The following CHD6 variants were observed in gnomAD, a reference collection of about 807,000 sequenced individuals.
CHD6 encodes chromodomain helicase DNA binding protein 6, also known as ATP-dependent chromatin remodeler CHD6.
CHD6 carries 50 observed loss-of-function variants against 276.9 expected under a neutral mutation model. That is an observed-to-expected ratio of 0.18 (90% CI 0.14 to 0.23). CHD6 has a LOEUF of 0.23. Ranked by LOEUF, CHD6 falls within the 10% of genes least tolerant of loss-of-function variation. The pLI is 1.00. For missense variants in CHD6, 2,564 were observed against 3,365.8 expected, an observed-to-expected ratio of 0.76 and a Z score of 5.89; for synonymous variants, 1,173 against 1,229.3, an observed-to-expected ratio of 0.95 and a Z score of 0.96.
intron 5 of CHD6, 140 bp from the exon 6 acceptor site, chr20:41,499,497 A>G (rs2043779868): frequency 1.6e-6 from 1 of 631,110 alleles, no homozygotes; most frequent in South Asian, 2.1e-5. Context: ...CAGGCCACAG[A>G]GTGGTCAAAA....
chr20:41,422,324 T>A (rs551566711), intron 30 of CHD6, among the ~76,000 whole-genome samples: 1 of 152,184 alleles, frequency 6.6e-6, no homozygotes, highest in Admixed American at 6.5e-5. Context: ...ACAGTATTAG[T>A]TTCCTTTAAA....
At chr20:41,423,184 T>TA (rs1050080649) in intron 30 of CHD6, among the ~76,000 whole-genome samples, 5 of 152,016 alleles carry the variant, frequency 3.3e-5, no homozygotes, top group Non-Finnish European at 5.9e-5. Flanking sequence ...GAACATGACT[T>TA]AAAAAAAACC....
chr20:41,568,181 C>T (rs2045379918), intron 1 of CHD6, among the ~76,000 whole-genome samples: 1 of 152,060 alleles, frequency 6.6e-6, no homozygotes, highest in Non-Finnish European at 1.5e-5. Flanking sequence ...TTACTTGATA[C>T]AAGGAAACAA....
intron 25 of CHD6, among the ~76,000 whole-genome samples, chr20:41,441,343 A>G (rs2047895048): frequency 6.6e-6 from 1 of 152,172 alleles, no homozygotes; most frequent in African/African-American, 2.4e-5. Flanking sequence ...TCACTGTTGT[A>G]GGAAGAAGAA....
chr20:41,525,158 C>G (rs1467204184), intron 3 of CHD6, among the ~76,000 whole-genome samples: 1 of 152,176 alleles, frequency 6.6e-6, no homozygotes, highest in Non-Finnish European at 1.5e-5. Flanking sequence ...CAAGACTTGT[C>G]AAGTGGCTGT....
chr20:41,613,570 G>A (rs1202788794), intron 1 of CHD6, among the ~76,000 whole-genome samples: 1 of 152,226 alleles, frequency 6.6e-6, no homozygotes, highest in Non-Finnish European at 1.5e-5. Flanking sequence ...TGCTGCCAGA[G>A]GGATGCAGTT....
chr20:41,520,398 T>C (rs73611296), intron 3 of CHD6, among the ~76,000 whole-genome samples: 3,372 of 152,132 alleles, frequency 0.022, 46 homozygotes, highest in South Asian at 0.041. Context: ...CTATTCACAA[T>C]AGCAAAGACT....
At chr20:41,616,437 C>T (rs1454266432) in intron 1 of CHD6, among the ~76,000 whole-genome samples, 1 of 152,082 alleles carries the variant, frequency 6.6e-6, no homozygotes, top group Non-Finnish European at 1.5e-5. Flanking sequence ...TCTAGATTTA[C>T]TTCGCCCATG....
At chr20:41,556,723 T>C (rs1206233003) in intron 1 of CHD6, among the ~76,000 whole-genome samples, 2 of 152,186 alleles carry the variant, frequency 1.3e-5, no homozygotes, top group Admixed American at 1.3e-4. Context: ...CACACCAGCA[T>C]GCTGCCACCC....
At chr20:41,510,139 G>A (rs1326199247) in intron 5 of CHD6, among the ~76,000 whole-genome samples, 4 of 152,138 alleles carry the variant, frequency 2.6e-5, no homozygotes, top group Admixed American at 1.3e-4. Context: ...AGAGGGCCCC[G>A]GGAGAAGGAT....
At chr20:41,441,731 T>C (rs781064321) in intron 25 of CHD6, among the ~76,000 whole-genome samples, 4 of 152,190 alleles carry the variant, frequency 2.6e-5, no homozygotes, top group Non-Finnish European at 4.4e-5. Context: ...GAATGACTCT[T>C]TCAGTCCCCT....
intron 1 of CHD6, among the ~76,000 whole-genome samples, chr20:41,574,285 A>T (rs1353428565): frequency 6.6e-6 from 1 of 152,112 alleles, no homozygotes; most frequent in Non-Finnish European, 1.5e-5. Context: ...CTGTTTTTTC[A>T]TTCTCAAAGA....
chr20:41,572,259 C>T (rs1412885949), intron 1 of CHD6, among the ~76,000 whole-genome samples: 2 of 152,182 alleles, frequency 1.3e-5, no homozygotes, highest in African/African-American at 2.4e-5. Context: ...GGTTCAAAAG[C>T]GCTGTGCTTT....
chr20:41,550,290 A>G (rs1259186336), intron 2 of CHD6, among the ~76,000 whole-genome samples: 1 of 152,224 alleles, frequency 6.6e-6, no homozygotes, highest in Non-Finnish European at 1.5e-5. Flanking sequence ...TTCCTGGTAC[A>G]TCGAACTGCA....
intron 1 of CHD6, among the ~76,000 whole-genome samples, chr20:41,596,024 ACC>A (rs2045714360): frequency 6.6e-6 from 1 of 151,920 alleles, no homozygotes; most frequent in Non-Finnish European, 1.5e-5. Context: ...ACCACATGGG[ACC>A]CTTTAGACAA....
intron 5 of CHD6, among the ~76,000 whole-genome samples, chr20:41,509,427 T>C (rs1446676254): frequency 6.6e-6 from 1 of 152,090 alleles, no homozygotes; most frequent in African/African-American, 2.4e-5. Context: ...CGAAGGACAA[T>C]GACAGTTAAA....
intron 3 of CHD6, among the ~76,000 whole-genome samples, chr20:41,521,930 T>A (rs1270211792): frequency 2.0e-5 from 3 of 152,200 alleles, no homozygotes; most frequent in African/African-American, 7.2e-5. Context: ...TATAAGTCAC[T>A]GAAAACAATA....
chr20:41,539,136 C>T (rs1011839874), intron 2 of CHD6, among the ~76,000 whole-genome samples: 18 of 152,304 alleles, frequency 1.2e-4, no homozygotes, highest in Admixed American at 3.9e-4. Context: ...AGGCTTTGAT[C>T]CATGGGTTGG....
intron 5 of CHD6, among the ~76,000 whole-genome samples, chr20:41,510,975 C>G (rs931394009): frequency 1.3e-5 from 2 of 152,112 alleles, no homozygotes; most frequent in Non-Finnish European, 2.9e-5. Flanking sequence ...ATGAATATAA[C>G]CATGACATGA....
Sources: allele counts gnomAD v4.1 joint callset (sites outside exome capture counted in the v4.1 genomes callset), GRCh38; gene constraint gnomAD v4.1.1; transcripts MANE v1.5; gene names NCBI Gene and HGNC (gene_info 2026-07-23, HGNC 2026-07-21).